FMN2: variants seen among roughly 807,000 people sequenced by gnomAD.
FMN2 encodes the protein formin-2.
Under a neutral mutation model 142.3 loss-of-function variants are expected in FMN2, and 51 were observed. The ratio of observed to expected loss-of-function variants is 0.36; its 90% CI spans 0.29 to 0.45. FMN2 has a LOEUF of 0.45. Ranked by LOEUF, FMN2 falls within the 20% of genes least tolerant of loss-of-function variation. The pLI, the probability that FMN2 is intolerant of heterozygous loss-of-function variation, is 1.00. For missense variants in FMN2, 1,936 were observed against 2,122.8 expected (o/e 0.91, Z 1.73); for synonymous variants, 882 against 869.8 (o/e 1.01, Z -0.25).
At chr1:240,418,907 G>C (rs1417562437) in intron 15 of FMN2, among the ~76,000 whole-genome samples, 1 of 152,124 alleles carries the variant, frequency 6.6e-6, no homozygotes, top group African/African-American at 2.4e-5. Context: ...AGGAGTTCGA[G>C]ACCAGCCTGG....
At chr1:240,200,665 T>C (rs1666089023) in intron 4 of FMN2, among the ~76,000 whole-genome samples, 1 of 152,148 alleles carries the variant, frequency 6.6e-6, no homozygotes, top group African/African-American at 2.4e-5. Flanking sequence ...GTAACATTAA[T>C]ACAGGGCCGG....
At chr1:240,325,148 AG>A (rs1671119656) in intron 8 of FMN2, among the ~76,000 whole-genome samples, 1 of 152,028 alleles carries the variant, frequency 6.6e-6, no homozygotes, top group African/African-American at 2.4e-5. Context: ...GCTTGAGCCC[AG>A]GAGTTTGAGA....
intron 6 of FMN2, among the ~76,000 whole-genome samples, chr1:240,237,619 C>CA (rs1453147126): frequency 1.3e-5 from 2 of 151,448 alleles, no homozygotes; most frequent in Non-Finnish European, 2.9e-5. Context: ...GGTGTGGTGA[C>CA]AGAAGGGAAT....
chr1:240,218,729 A>G (rs1667000522), intron 6 of FMN2, among the ~76,000 whole-genome samples: 1 of 152,138 alleles, frequency 6.6e-6, no homozygotes, highest in Non-Finnish European at 1.5e-5. Context: ...ATCCGATGAC[A>G]GCACAGTTGA....
At chr1:240,326,773 T>TA (rs1321633409) in intron 8 of FMN2, among the ~76,000 whole-genome samples, 2 of 152,078 alleles carry the variant, frequency 1.3e-5, no homozygotes, top group Non-Finnish European at 2.9e-5. Flanking sequence ...GATAGTTGAC[T>TA]AACCAACTGC....
intron 8 of FMN2, among the ~76,000 whole-genome samples, chr1:240,303,781 C>T (rs1327178445): frequency 6.6e-6 from 1 of 151,956 alleles, no homozygotes; most frequent in South Asian, 2.1e-4. Flanking sequence ...TCTTCTAGGA[C>T]TTCCATAATG....
chr1:240,274,087 C>T (rs1330861020), intron 7 of FMN2, among the ~76,000 whole-genome samples: 1 of 152,056 alleles, frequency 6.6e-6, no homozygotes, highest in Non-Finnish European at 1.5e-5. Context: ...ATTCACTCAA[C>T]ATTAACTGTT....
In FMN2 at chr1:240,397,491, C is replaced by T. The variant is rs537369479; in HGVS notation, c.4910+4929C>T. The stretch of plus-strand genomic sequence containing the variant: ...CTAGTAATTTAAGTGTTAACCACAC[C>T]TAGGCCAGGCACGGTGGCTCATGCC... On this transcript the variant is annotated intron_variant, in intron 15 of 17. Transcript: ENST00000319653. Among the ~76,000 whole-genome samples the T allele has an allele frequency of 1.4e-4, 22 of 152,056 alleles. No homozygotes were observed. The South Asian group carries it at 3.7e-3, about 26-fold the overall frequency.
At chr1:240,199,566 A>G (rs912043909) in intron 4 of FMN2, among the ~76,000 whole-genome samples, 6 of 152,156 alleles carry the variant, frequency 3.9e-5, no homozygotes, top group Non-Finnish European at 8.8e-5. Flanking sequence ...AACTTGTATT[A>G]TGTGATACGC....
intron 1 of FMN2, among the ~76,000 whole-genome samples, chr1:240,110,619 A>G (rs16839442): frequency 0.031 from 4,701 of 152,254 alleles, 184 homozygotes; most frequent in African/African-American, 0.098. Context: ...TAGCTAGTGT[A>G]TGACTGCAAA....
Position 240,392,657 on chromosome 1 carries a change from C to G in FMN2, c.4910+95C>G, listed in dbSNP as rs1056054730. ...CAATTTTTAGTTCAATTTTAATTTT[C>G]AAGCATAAAACAAAAATAAATCTAA... On this transcript the variant is annotated intron_variant, in intron 15 of 17. Transcript: ENST00000319653. 7.0e-6 allele frequency: 7 copies of G among 1,002,028 alleles called. No homozygotes were observed. The Admixed American group carries it at 1.5e-4, about 22-fold the overall frequency. The allele number at this position is 1,002,028 out of a possible 1,614,324, so 62.1% of individuals were successfully genotyped here.
intron 3 of FMN2, among the ~76,000 whole-genome samples, chr1:240,183,620 C>G (rs1665246317): frequency 6.6e-6 from 1 of 151,810 alleles, no homozygotes; most frequent in African/African-American, 2.4e-5. Context: ...TTCTCCTGCG[C>G]TAACTAGAGC....
intron 15 of FMN2, among the ~76,000 whole-genome samples, chr1:240,407,442 G>A (rs377374641): frequency 1.3e-5 from 2 of 152,020 alleles, no homozygotes; most frequent in Non-Finnish European, 2.9e-5. Flanking sequence ...CCCGGCCACA[G>A]CTACACTTTT....
chr1:240,092,396 A>G lies in FMN2; in HGVS notation c.287A>G (p.Asp96Gly). ...KGKGAGGSRE[D>G]VLDSQALQTG... is the part of the protein sequence containing the mutation. ...AAAGGCGCCGGCGGCTCCCGCGAAG[A>G]TGTACTGGATTCCCAGGCCCTGCAG... Residue 96 changes from aspartate to glycine, a missense_variant, in exon 1 of 18, where the codon GAT becomes GGT. Transcript: ENST00000319653. 1 of 1,612,766 alleles carries G rather than the reference A, an allele frequency of 6.2e-7. No homozygotes were observed.
chr1:240,389,405 G>A (rs997313042), intron 14 of FMN2, among the ~76,000 whole-genome samples: 3 of 152,292 alleles, frequency 2.0e-5, no homozygotes, highest in Admixed American at 6.5e-5. Flanking sequence ...GAAAGTCTGT[G>A]CTTATAACAG....
intron 2 of FMN2, among the ~76,000 whole-genome samples, chr1:240,176,512 C>A (rs7542728): frequency 0.94 from 142,719 of 152,268 alleles, 66,957 homozygotes; most frequent in East Asian, 1. Context: ...TAGCACTCTC[C>A]GGCTGTCACA....
At chr1:240,382,621 A>G (rs1365985291) in intron 14 of FMN2, among the ~76,000 whole-genome samples, 3 of 152,104 alleles carry the variant, frequency 2.0e-5, no homozygotes, top group Non-Finnish European at 4.4e-5. Context: ...AGATCGTGCC[A>G]CTGCACTCCA....
intron 6 of FMN2, among the ~76,000 whole-genome samples, chr1:240,226,158 C>T (rs1667290053): frequency 6.6e-6 from 1 of 152,118 alleles, no homozygotes; most frequent in South Asian, 2.1e-4. Flanking sequence ...AACTTCTCAA[C>T]TTTATGAAAA....
intron 14 of FMN2, among the ~76,000 whole-genome samples, chr1:240,360,155 C>A (rs532778575): frequency 6.6e-6 from 1 of 152,314 alleles, no homozygotes; most frequent in African/African-American, 2.4e-5. Flanking sequence ...ATTTCCCTTG[C>A]AAATTTAGCT....
Sources: allele counts gnomAD v4.1 joint callset (sites outside exome capture counted in the v4.1 genomes callset), GRCh38; gene constraint gnomAD v4.1.1; transcripts MANE v1.5; gene names NCBI Gene and HGNC (gene_info 2026-07-23, HGNC 2026-07-21).